The following ZDHHC24 variants were observed in gnomAD, a reference collection of about 807,000 sequenced individuals.
The protein encoded by ZDHHC24 is probable palmitoyltransferase ZDHHC24.
ZDHHC24 carries 17 observed loss-of-function variants against 23.2 expected under a neutral mutation model. The observed-to-expected ratio is 0.73, with a 90% confidence interval of 0.50 to 1.10. The LOEUF (loss-of-function observed/expected upper bound fraction) is 1.10. Among genes scored for constraint, ZDHHC24 ranks in the 50% least tolerant of loss-of-function variants. ZDHHC24 has a pLI of 0.00. For synonymous variants in ZDHHC24, 186 were observed against 194.5 expected, an observed-to-expected ratio of 0.96 and a Z score of 0.36; for missense variants, 366 against 393.0, an observed-to-expected ratio of 0.93 and a Z score of 0.58.
intron 4 of ZDHHC24, chr11:66,522,710 G>A: frequency 5.5e-6 from 1 of 181,988 alleles, no homozygotes; most frequent in Non-Finnish European, 1.2e-5. Flanking sequence ...TGCAGTGTGT[G>A]GTATTAGGGA....
rs1254771255 is a variant in ZDHHC24, at chr11:66,539,484, C to G, written c.*45G>C. 6.7e-7 allele frequency: 1 copy of G among 1,487,240 alleles called. No homozygotes were observed. Among genetic ancestry groups the G allele is most frequent in the East Asian group, 2.4e-5 (1 of 42,170 alleles). The allele number at this position is 1,487,240 out of a possible 1,614,324, so 92.1% of individuals were successfully genotyped here. A position where few individuals can be genotyped will look rare whatever the true frequency, so the allele number is the denominator to read the frequency against. On this transcript the variant is annotated 3_prime_UTR_variant, in exon 3 of 3. Coordinates refer to ENST00000310442, the MANE Select transcript of ZDHHC24 (RefSeq NM_207340.3). ...TTACTGAGTCTAGGTGTGGGGGCCCCCCTCTCACCCCTTCCTCCCTGCACA... is the reference window on the plus strand; with the variant it reads ...TTACTGAGTCTAGGTGTGGGGGCCCGCCTCTCACCCCTTCCTCCCTGCACA...
exon 5 of ZDHHC24, chr11:66,521,082 C>T (rs543315626): frequency 1.6e-6 from 1 of 642,478 alleles, no homozygotes; most frequent in Non-Finnish European, 2.8e-6. Flanking sequence ...AGTCAAAAGG[C>T]ACAGACTAAA....
At chr11:66,531,603 G>T, downstream of ZDHHC24, 1 of 1,612,742 alleles carries the variant, frequency 6.2e-7, no homozygotes, top group Non-Finnish European at 8.5e-7. Flanking sequence ...ACTGGAATAT[G>T]CCAAACACTG....
downstream of ZDHHC24, chr11:66,531,123 C>T (rs2305532): frequency 0.23 from 359,308 of 1,536,344 alleles, 43,834 homozygotes; most frequent in East Asian, 0.26. Flanking sequence ...AGGGTCAGAG[C>T]GTGCGGGTGG....
rs374833940 is a variant in ZDHHC24 at position 66,539,696 on chromosome 11, A to G, written c.688T>C (p.Trp230Arg). Residue 230 changes from tryptophan (W) to arginine (R), a missense_variant, in exon 3 of 3, where the codon TGG (tryptophan) becomes CGG (arginine). Transcript: ENST00000310442. ...LLLRGQTTWE[W>R]ARGQHSYDLG... ...TCATAGGAGTGCTGGCCCCGAGCCCACTCCCATGTGGTCTGGCCCCGCAGC... is the reference window on the plus strand; with the variant it reads ...TCATAGGAGTGCTGGCCCCGAGCCCGCTCCCATGTGGTCTGGCCCCGCAGC... 1.9e-6 allele frequency: 3 copies of G among 1,611,620 alleles called. No homozygotes were observed. The highest frequency in any genetic ancestry group is 2.5e-6 in the Non-Finnish European group (3 of 1,179,662).
chr11:66,530,856 C>G (rs751456406), downstream of ZDHHC24: 2 of 1,614,208 alleles, frequency 1.2e-6, no homozygotes, highest in Non-Finnish European at 1.7e-6. Context: ...CCAAGGCTGC[C>G]AGGTCCTAAG....
intron 4 of ZDHHC24, among the ~76,000 whole-genome samples, chr11:66,522,134 G>A (rs1408320114): frequency 8.2e-5 from 12 of 146,598 alleles, no homozygotes; most frequent in South Asian, 6.6e-4. Flanking sequence ...GGAGAATGGC[G>A]TGAACCTGGG....
Position 66,539,477 on chromosome 11 carries a change from G to A in ZDHHC24, c.*52C>T. ...GACTTCCTTACTGAGTCTAGGTGTG[G>A]GGGCCCCCCTCTCACCCCTTCCTCC... On this transcript the variant is annotated 3_prime_UTR_variant, in exon 3 of 3. Coordinates refer to ENST00000310442, the MANE Select transcript of ZDHHC24 (RefSeq NM_207340.3). The A allele has an allele frequency of 6.8e-7, 1 of 1,480,806 alleles. No homozygotes were observed. The allele number at this position is 1,480,806 out of a possible 1,614,324, so 91.7% of individuals were successfully genotyped here.
At chr11:66,543,553 G>T (rs1266850415) in intron 2 of ZDHHC24, 151 bp downstream of exon 2, 15 of 991,830 alleles carry the variant, frequency 1.5e-5, no homozygotes, top group Non-Finnish European at 2.2e-5. Context: ...CTGCACCCCC[G>T]GGTGAATACC....
downstream of ZDHHC24, chr11:66,521,057 G>A: frequency 1.7e-6 from 1 of 601,490 alleles, no homozygotes; most frequent in Non-Finnish European, 3.0e-6. Context: ...TGCAGTCCTA[G>A]AAGTGGCATC....
At chr11:66,523,688 C>T in intron 4 of ZDHHC24, 2 of 1,610,086 alleles carry the variant, frequency 1.2e-6, no homozygotes, top group East Asian at 2.2e-5. Flanking sequence ...ACTGTAAGCC[C>T]TGAGCCCTCC....
rs1856993511 is a variant in ZDHHC24 at position 66,537,126 on chromosome 11, T to A, written c.*2403A>T. The A allele has an allele frequency of 6.6e-6, 1 of 151,924 alleles. No individual in the cohort carries two copies. The highest frequency in any genetic ancestry group is 1.5e-5 in the Non-Finnish European group (1 of 67,946). The allele number at this position is 151,924 out of a possible 1,614,324, so 9.4% of individuals were successfully genotyped here. On this transcript the variant is annotated 3_prime_UTR_variant, in exon 3 of 3. Coordinates refer to ENST00000310442, the MANE Select transcript of ZDHHC24 (RefSeq NM_207340.3). Reference sequence around the variant, plus strand: ...TGAAGGTTCTTGGGGGTCAAGCATGTTCTTTCATGGGAGGCCCCCCAGCAG... The same window carrying A: ...TGAAGGTTCTTGGGGGTCAAGCATGATCTTTCATGGGAGGCCCCCCAGCAG...
intron 4 of ZDHHC24, chr11:66,522,933 G>T (rs1304557411): frequency 1.4e-5 from 5 of 351,302 alleles, no homozygotes; most frequent in Non-Finnish European, 2.8e-5. Flanking sequence ...TGAGAAAGTC[G>T]GGAAGAGTGT....
chr11:66,529,359 T>A, exon 3 of ZDHHC24: 1 of 1,506,208 alleles, frequency 6.6e-7, no homozygotes, highest in South Asian at 1.2e-5. Context: ...TGATGGGACC[T>A]CCCTGTGGAG....
intron 4 of ZDHHC24, chr11:66,523,303 C>CTT (rs1856321828): frequency 5.7e-6 from 6 of 1,056,328 alleles, no homozygotes; most frequent in Non-Finnish European, 8.8e-6. Flanking sequence ...CACACATTTA[C>CTT]TAAGGTGGCA....
rs1325749313 is a variant in ZDHHC24 at position 66,536,862 on chromosome 11, G to A, written c.*2667C>T. On this transcript the variant is annotated 3_prime_UTR_variant, in exon 3 of 3. Transcript: ENST00000310442. ...GCACTCCAGCCTGGGTAACAAGAGT[G>A]AAACTCTGTCTCAAAAAATAAAAAG... is the stretch of plus-strand genomic sequence containing the variant. The A allele has an allele frequency of 6.6e-6, 1 of 151,924 alleles. No individual in the cohort carries two copies. The highest frequency in any genetic ancestry group is 1.5e-5 in the Non-Finnish European group (1 of 67,956). 9.4% of individuals were successfully genotyped at this position (151,924 alleles called of 1,614,324 possible). A position where few individuals can be genotyped will look rare whatever the true frequency, so the allele number is the denominator to read the frequency against.
At chr11:66,531,869 G>T, downstream of ZDHHC24, 1 of 1,591,486 alleles carries the variant, frequency 6.3e-7, no homozygotes, top group Non-Finnish European at 8.6e-7. Context: ...GTGGAGCCCT[G>T]TGGCCTGTCA....
chr11:66,526,092 T>A, intron 4 of ZDHHC24: 7 of 1,611,824 alleles, frequency 4.3e-6, no homozygotes, highest in Non-Finnish European at 5.9e-6. Context: ...CCAAGATATT[T>A]CCCCAACTAA....
chr11:66,545,853 G>A lies in ZDHHC24; in HGVS notation c.151C>T (p.Arg51Trp). The A allele has an allele frequency of 1.9e-6, 3 of 1,555,322 alleles. No homozygotes were observed. Among genetic ancestry groups the A allele is most frequent in the Non-Finnish European group, 2.6e-6 (3 of 1,156,360 alleles). Residue 51 changes from arginine to tryptophan, a missense_variant, in exon 1 of 3, where the codon CGG (arginine) becomes TGG (tryptophan). Arg to Trp is a moderately radical substitution (Grantham distance 101, BLOSUM62 -3). Transcript: ENST00000310442. The surrounding 1 kb of genome is among the most constrained non-coding windows in gnomAD (Gnocchi z 4.5). ...PGPPPLGPLA[R>W]ALQLALAAFQ... ...GCGGCCAGCGCCAGCTGCAAGGCCC[G>A]GGCCAGGGGTCCCAGCGGCGGCGGC...
Sources: gnomAD v4.1 joint callset for allele counts (sites outside exome capture counted in the v4.1 genomes callset) on GRCh38, gnomAD v4.1.1 for gene constraint, Gnocchi (gnomAD v3.1) non-coding constraint, MANE v1.5 for transcripts, NCBI Gene and HGNC (gene_info 2026-07-23, HGNC 2026-07-21) for gene names.